The following LTBP2 variants were observed in gnomAD, a reference collection of about 807,000 sequenced individuals.
LTBP2 encodes latent-transforming growth factor beta-binding protein 2.
In LTBP2, 103 loss-of-function variants were observed where a neutral mutation model predicts 210.6. That is an observed-to-expected ratio of 0.49 (90% CI 0.42 to 0.58). The LOEUF (loss-of-function observed/expected upper bound fraction) is 0.58. Among genes scored for constraint, LTBP2 ranks in the 20% least tolerant of loss-of-function variants. LTBP2 has a pLI of 0.00. For synonymous variants in LTBP2, 1,007 were observed against 1,015.0 expected, an observed-to-expected ratio of 0.99 and a Z score of 0.15; for missense variants, 2,313 against 2,494.5, an observed-to-expected ratio of 0.93 and a Z score of 1.55.
chr14:74,611,461 G>A lies in LTBP2; in HGVS notation c.484C>T (p.Arg162Trp). 1 of 1,490,458 alleles carries A rather than the reference G, an allele frequency of 6.7e-7. No individual in the cohort carries two copies. The highest frequency in any genetic ancestry group is 8.8e-7 in the Non-Finnish European group (1 of 1,132,036). 92.3% of individuals were successfully genotyped at this position (1,490,458 alleles called of 1,614,324 possible). A position where few individuals can be genotyped will look rare whatever the true frequency, so the allele number is the denominator to read the frequency against. The change falls in exon 1 of 36, where the codon CGG becomes TGG. Residue 162 changes from arginine (R) to tryptophan (W), a missense_variant. This residue lies in a region of LTBP2 where 1,867 missense variants were observed against 1,976.9 expected (regional missense o/e 0.94). Transcript: ENST00000261978. The stretch of plus-strand genomic sequence containing the variant: ...CTCTCCCATGCTCACCCCGTGAGCC[G>A]CCCTCGCGGCGGGGTTGGGGGCGCA... ...GAAPPTPPRG[R>W]LTGRNVCGGQ...
At chr14:74,505,529 C>G (rs2086971287) in intron 28 of LTBP2, among the ~76,000 whole-genome samples, 1 of 152,198 alleles carries the variant, frequency 6.6e-6, no homozygotes, top group Non-Finnish European at 1.5e-5. Context: ...ATATGGGCAG[C>G]CCTCTGGTCC....
chr14:74,601,298 C>T (rs76766564), intron 2 of LTBP2, among the ~76,000 whole-genome samples: 1 of 152,140 alleles, frequency 6.6e-6, no homozygotes, highest in African/African-American at 2.4e-5. Flanking sequence ...GTAAGCCCAG[C>T]ACTTTGGCAG....
chr14:74,509,345 A>G lies in LTBP2; in HGVS notation c.3296T>C (p.Phe1099Ser). ...TACEDLDECA[F>S]PGVCPSGVCT... ...GACTCCGGAGGGGCAGACTCCCGGG[A>G]AGGCACACTCATCTAGGTCTGCAGA... Residue 1099 changes from phenylalanine to serine, a missense_variant, in exon 22 of 36, where the codon TTC becomes TCC. By Grantham distance (155) the Phe-to-Ser change is radical. Coordinates refer to ENST00000261978, the MANE Select transcript of LTBP2 (RefSeq NM_000428.3). 6.2e-7 allele frequency: 1 copy of G among 1,613,176 alleles called. No homozygotes were observed. The highest frequency in any genetic ancestry group is 8.5e-7 in the Non-Finnish European group (1 of 1,179,886).
At position 74,516,938 on chromosome 14, in the gene LTBP2, A is replaced by G; in HGVS notation, c.2792T>C (p.Ile931Thr). ...TSGATQECQD[I>T]NECEQPGVCS... The stretch of plus-strand genomic sequence containing the variant: ...CACCCCTGGCTGCTCACACTCATTG[A>G]TATCTGTGAACACACAGAAAAGCCC... Residue 931 changes from isoleucine to threonine, a missense_variant, in exon 18 of 36, where the codon ATC (isoleucine) becomes ACC (threonine). By Grantham distance (89) the Ile-to-Thr change is moderately conservative. This residue lies in a region of LTBP2 where 1,867 missense variants were observed against 1,976.9 expected (regional missense o/e 0.94). Transcript: ENST00000261978. 2 of 1,551,442 alleles carry G rather than the reference A, an allele frequency of 1.3e-6. No homozygotes were observed. The highest frequency in any genetic ancestry group is 1.2e-5 in the South Asian group (1 of 84,068).
intron 33 of LTBP2, 137 bp from the exon 34 acceptor site, chr14:74,503,071 C>T: frequency 6.8e-7 from 1 of 1,480,148 alleles, no homozygotes; most frequent in South Asian, 1.2e-5. Flanking sequence ...CACCTCTCCC[C>T]TGCCCTACTT....
chr14:74,504,868 A>G lies in LTBP2; in HGVS notation c.4370-7T>C. 1 of 1,614,086 alleles carries G rather than the reference A, an allele frequency of 6.2e-7. No homozygotes were observed. The highest frequency in any genetic ancestry group is 8.5e-7 in the Non-Finnish European group (1 of 1,179,936). ...CAGATCTCGCTGAATTCAGCTATGT[A>G]GAGAGGCGTTTCAGCTCAGAGTGGG... On this transcript the variant is annotated splice_polypyrimidine_tract_variant and splice_region_variant and intron_variant, in intron 29 of 35. Coordinates refer to ENST00000261978, the MANE Select transcript of LTBP2 (RefSeq NM_000428.3).
intron 25 of LTBP2, 108 bp from the exon 26 acceptor site, chr14:74,507,418 T>G: frequency 1.4e-6 from 2 of 1,473,274 alleles, no homozygotes; most frequent in Non-Finnish European, 1.9e-6. Flanking sequence ...TATTCCAAAT[T>G]ACTGTGCTCA....
chr14:74,520,641 A>C (rs967651141), intron 17 of LTBP2, among the ~76,000 whole-genome samples: 1 of 152,124 alleles, frequency 6.6e-6, no homozygotes, highest in African/African-American at 2.4e-5. Context: ...TCTCTACTAA[A>C]AATACAAAAA....
intron 3 of LTBP2, among the ~76,000 whole-genome samples, chr14:74,556,732 C>T (rs1222832942): frequency 1.3e-5 from 2 of 152,094 alleles, no homozygotes; most frequent in African/African-American, 2.4e-5. Context: ...TGGCCAGGCT[C>T]GTCTTGAACT....
At chr14:74,514,558 G>A (rs1471540378) in intron 18 of LTBP2, among the ~76,000 whole-genome samples, 2 of 152,158 alleles carry the variant, frequency 1.3e-5, no homozygotes, top group African/African-American at 2.4e-5. Flanking sequence ...GAGAGCATGC[G>A]GTGGGGGTAG....
chr14:74,549,895 A>G lies in LTBP2; in HGVS notation c.1757T>C (p.Val586Ala). ...GGGTGGGCATGGGGCACACAAAGTCACCCCCCAGAAGGCTCCCACACTGCC... is the reference window on the plus strand; with the variant it reads ...GGGTGGGCATGGGGCACACAAAGTCGCCCCCCAGAAGGCTCCCACACTGCC... ...CCGSVGAFWG[V>A]TLCAPCPPRP... The change falls in exon 8 of 36, where the codon GTG becomes GCG. Residue 586 changes from valine (V) to alanine (A), a missense_variant. By Grantham distance (64) the Val-to-Ala change is moderately conservative (BLOSUM62 0). Coordinates refer to ENST00000261978, the MANE Select transcript of LTBP2 (RefSeq NM_000428.3). 2 of 1,612,872 alleles carry G rather than the reference A, an allele frequency of 1.2e-6. No homozygotes were observed. The highest frequency in any genetic ancestry group is 2.2e-5 in the East Asian group (1 of 44,840).
intron 4 of LTBP2, among the ~76,000 whole-genome samples, chr14:74,554,118 C>A (rs2087698223): frequency 6.6e-6 from 1 of 152,042 alleles, no homozygotes; most frequent in African/African-American, 2.4e-5. Flanking sequence ...AAGAGGGACA[C>A]CTCCCCCTCA....
rs1491144261 is a variant in LTBP2 at position 74,582,393 on chromosome 14, T to TAC, written c.830+3459_830+3460dup. On this transcript the variant is annotated intron_variant, in intron 3 of 35. Coordinates refer to ENST00000261978, the MANE Select transcript of LTBP2 (RefSeq NM_000428.3). Reference sequence around the variant, plus strand: ...TTCTGTGTACATGCACACACACACATACATACACACACACACACACACACA... The same window carrying TAC: ...TTCTGTGTACATGCACACACACACATACACATACACACACACACACACACACA... 3.7e-3 allele frequency among the ~76,000 whole-genome samples: 328 copies of TAC among 87,586 alleles called. 2 individuals carry two copies. Among genetic ancestry groups the TAC allele is most frequent in the African/African-American group, 0.015 (308 of 21,240 alleles). The allele number at this position is 87,586 out of a possible 152,430, so 57.5% of individuals were successfully genotyped here.
At chr14:74,555,300 G>A (rs1271324312) in intron 4 of LTBP2, among the ~76,000 whole-genome samples, 1 of 152,102 alleles carries the variant, frequency 6.6e-6, no homozygotes, top group East Asian at 1.9e-4. Context: ...AGGTTGCAAC[G>A]GGGTGAAGTC....
At chr14:74,564,075 TTATATA>T (rs1202915903) in intron 3 of LTBP2, among the ~76,000 whole-genome samples, 3 of 20,788 alleles carry the variant, frequency 1.4e-4, no homozygotes, top group African/African-American at 7.7e-4. Context: ...ATATATATAT[TTATATA>T]TATATTTATA....
intron 28 of LTBP2, among the ~76,000 whole-genome samples, chr14:74,505,767 C>T (rs1340487193): frequency 6.6e-6 from 1 of 152,146 alleles, no homozygotes; most frequent in African/African-American, 2.4e-5. Context: ...AGGGTCCCTC[C>T]AAGGCTCAAT....
At position 74,552,172 on chromosome 14, in the gene LTBP2, T is replaced by A; in HGVS notation, c.1399+15A>T. 66 of 1,411,482 alleles carry A rather than the reference T, an allele frequency of 4.7e-5. No individual in the cohort carries two copies. The highest frequency in any genetic ancestry group is 7.9e-5 in the East Asian group (3 of 37,976). 87.4% of individuals were successfully genotyped at this position (1,411,482 alleles called of 1,614,324 possible). A position where few individuals can be genotyped will look rare whatever the true frequency, so the allele number is the denominator to read the frequency against. ...CCTCCCAGGGTCCCGCCGGCCCAGC[T>A]GTGCCGGCACTCACCCAGCTGGTTG... On this transcript the variant is annotated intron_variant, in intron 6 of 35. Coordinates refer to ENST00000261978, the MANE Select transcript of LTBP2 (RefSeq NM_000428.3).
rs1167699739 is a variant in LTBP2, at chr14:74,542,200, T to C, written c.1790-6200A>G. 5.3e-5 allele frequency among the ~76,000 whole-genome samples: 8 copies of C among 152,178 alleles called. No homozygotes were observed. The South Asian group carries it at 1.4e-3, about 28-fold the overall frequency. ...TTCCTGGTAAGGACATCGGGACATA[T>C]GGTCTTCTGATTCCCTGGCCTTGGC... On this transcript the variant is annotated intron_variant, in intron 8 of 35. Coordinates refer to ENST00000261978, the MANE Select transcript of LTBP2 (RefSeq NM_000428.3).
chr14:74,575,330 G>C (rs2088044246), intron 3 of LTBP2, among the ~76,000 whole-genome samples: 1 of 152,230 alleles, frequency 6.6e-6, no homozygotes, highest in Non-Finnish European at 1.5e-5. Flanking sequence ...ACCTCGAAGG[G>C]ACCTCAACAG....
Sources: allele counts gnomAD v4.1 joint callset (sites outside exome capture counted in the v4.1 genomes callset), GRCh38; gene constraint gnomAD v4.1.1; regional missense constraint gnomAD v4.1.1; transcripts MANE v1.5; gene names NCBI Gene and HGNC (gene_info 2026-07-23, HGNC 2026-07-21).